Variants in MELK observed in about 807,000 individuals in gnomAD.
MELK encodes maternal embryonic leucine zipper kinase, also known as pEg3 kinase.
A neutral mutation model predicts 85.0 loss-of-function variants in MELK; 81 were observed. That is an observed-to-expected ratio of 0.95 (90% CI 0.80 to 1.15). The LOEUF (loss-of-function observed/expected upper bound fraction) is 1.15, where lower values mean the gene tolerates loss of function less well. Ranked by LOEUF, MELK falls within the 50% of genes most tolerant of loss-of-function variation. The pLI is 0.00. For synonymous variants in MELK, 252 were observed against 265.0 expected (o/e 0.95, Z 0.48); for missense variants, 754 against 777.5 (o/e 0.97, Z 0.36).
intron 8 of MELK, among the ~76,000 whole-genome samples, chr9:36,621,317 A>AAC (rs1827423662): frequency 7.5e-6 from 1 of 134,066 alleles, no homozygotes; most frequent in Admixed American, 7.9e-5. Flanking sequence ...AAAAAAAAAA[A>AAC]CTTGAGTAGA....
At chr9:36,608,167 C>G (rs1309475213) in intron 8 of MELK, among the ~76,000 whole-genome samples, 3 of 150,138 alleles carry the variant, frequency 2.0e-5, no homozygotes, top group Non-Finnish European at 4.4e-5. Context: ...GTAGTCCCAG[C>G]TACTCGGGAG....
intron 8 of MELK, among the ~76,000 whole-genome samples, chr9:36,628,377 G>T (rs747888209): frequency 7.2e-5 from 11 of 152,030 alleles, no homozygotes; most frequent in Non-Finnish European, 1.3e-4. Flanking sequence ...AGTTGCCTGT[G>T]ACCTTTGGAA....
At chr9:36,604,994 G>A (rs1354088560) in intron 7 of MELK, among the ~76,000 whole-genome samples, 3 of 151,826 alleles carry the variant, frequency 2.0e-5, no homozygotes, top group Non-Finnish European at 2.9e-5. Flanking sequence ...TGTCCCCCAG[G>A]CTGGAGTGCA....
intron 11 of MELK, among the ~76,000 whole-genome samples, chr9:36,647,498 T>C (rs1244946573): frequency 6.6e-6 from 1 of 151,598 alleles, no homozygotes; most frequent in Non-Finnish European, 1.5e-5. Context: ...TTCTTTCTTT[T>C]TTTTTTTTTG....
intron 1 of MELK, among the ~76,000 whole-genome samples, chr9:36,580,995 T>C (rs2134964989): frequency 6.6e-6 from 1 of 152,332 alleles, no homozygotes; most frequent in East Asian, 1.9e-4. Context: ...CCCAAAGTGC[T>C]GGGATTACAG....
chr9:36,652,745 A>AG (rs961841250), intron 12 of MELK, among the ~76,000 whole-genome samples: 2 of 151,894 alleles, frequency 1.3e-5, no homozygotes, highest in African/African-American at 4.8e-5. Flanking sequence ...AAAAAAAAAA[A>AG]AAAAGAAAAT....
In MELK at chr9:36,607,675, T is replaced by A; in HGVS notation, c.666+2T>A. 6.4e-7 allele frequency: 1 copy of A among 1,573,046 alleles called. No individual in the cohort carries two copies. Among genetic ancestry groups the A allele is most frequent in the Non-Finnish European group, 8.7e-7 (1 of 1,142,890 alleles). On this transcript the variant is annotated splice_donor_variant, in intron 8 of 17. Coordinates refer to ENST00000298048, the MANE Select transcript of MELK (RefSeq NM_014791.4). LOFTEE classifies it high-confidence loss of function. Reference sequence around the variant, plus strand: ...ATGGCTTTATACAAGAAGATTATGGTGAGTATTACAAGGCATAGAATTTCA... The same window carrying A: ...ATGGCTTTATACAAGAAGATTATGGAGAGTATTACAAGGCATAGAATTTCA...
chr9:36,632,345 G>A (rs1828718984), intron 9 of MELK, among the ~76,000 whole-genome samples: 1 of 152,144 alleles, frequency 6.6e-6, no homozygotes. Context: ...CTATAAAATG[G>A]GGGTTCTGAG....
chr9:36,666,931 G>A (rs192048233), intron 14 of MELK, among the ~76,000 whole-genome samples: 47 of 149,850 alleles, frequency 3.1e-4, no homozygotes, highest in Admixed American at 8.7e-4. Flanking sequence ...GGGGGGGTGC[G>A]GTGGCGCTGC....
rs1258891759 is a variant in MELK at position 36,581,672 on chromosome 9, C to T, written c.-10C>T. On this transcript the variant is annotated 5_prime_UTR_variant, in exon 2 of 18. Transcript: ENST00000298048. ...CTTTTTCTAATTCCAAATAAACTTG[C>T]AAGAGGACTATGAAAGATTATGATG... 2 of 1,568,870 alleles carry T rather than the reference C, an allele frequency of 1.3e-6. No homozygotes were observed. Among genetic ancestry groups the T allele is most frequent in the Admixed American group, 1.7e-5 (1 of 59,200 alleles).
intron 3 of MELK, among the ~76,000 whole-genome samples, chr9:36,588,383 T>C (rs1451606680): frequency 7.7e-6 from 1 of 130,594 alleles, no homozygotes. Context: ...AGTCCCTCCC[T>C]TTTTTTTTTT....
intron 12 of MELK, 135 bp from the exon 13 acceptor site, chr9:36,657,105 TG>T (rs1329473738): frequency 3.0e-6 from 3 of 1,012,840 alleles, no homozygotes; most frequent in Non-Finnish European, 4.2e-6. Context: ...GTACATTTTA[TG>T]ATGTTCACAC....
intron 2 of MELK, among the ~76,000 whole-genome samples, chr9:36,582,702 T>A (rs1481086224): frequency 1.3e-5 from 2 of 152,034 alleles, no homozygotes; most frequent in Admixed American, 6.6e-5. Flanking sequence ...TCCCCCAAGG[T>A]AGCCATTGAT....
At chr9:36,606,652 C>T (rs1186497654) in intron 7 of MELK, among the ~76,000 whole-genome samples, 4 of 145,484 alleles carry the variant, frequency 2.7e-5, no homozygotes, top group Non-Finnish European at 6.0e-5. Flanking sequence ...TATATGGACA[C>T]ATATGTATAT....
intron 7 of MELK, among the ~76,000 whole-genome samples, chr9:36,606,623 A>G (rs186812374): frequency 2.7e-5 from 4 of 147,264 alleles, no homozygotes; most frequent in Non-Finnish European, 4.5e-5. Context: ...GTATAGGTGT[A>G]TATATGGACA....
chr9:36,635,806 T>G (rs1180191246), intron 10 of MELK, among the ~76,000 whole-genome samples: 1 of 150,984 alleles, frequency 6.6e-6, no homozygotes, highest in Non-Finnish European at 1.5e-5. Context: ...TGCTTTTTTT[T>G]TTTTTTTTGA....
chr9:36,583,958 G>C (rs1822542656), intron 3 of MELK, among the ~76,000 whole-genome samples: 1 of 152,072 alleles, frequency 6.6e-6, no homozygotes, highest in South Asian at 2.1e-4. Flanking sequence ...GTAGTCTGTA[G>C]GTGTTTCTGG....
chr9:36,637,009 T>G (rs1215358105), intron 10 of MELK, among the ~76,000 whole-genome samples: 2 of 151,850 alleles, frequency 1.3e-5, no homozygotes, highest in East Asian at 1.9e-4. Context: ...ATTTTTTGTG[T>G]TTTTGGTAGA....
At chr9:36,629,843 GTTTTTT>G (rs11298711) in intron 8 of MELK, among the ~76,000 whole-genome samples, 1 of 111,482 alleles carries the variant, frequency 9.0e-6, no homozygotes, top group Non-Finnish European at 1.8e-5. Context: ...GCAAGAAATT[GTTTTTT>G]TTTTTTTTTT....
Sources: gnomAD v4.1 joint callset for allele counts (sites outside exome capture counted in the v4.1 genomes callset) on GRCh38, gnomAD v4.1.1 for gene constraint, MANE v1.5 for transcripts, NCBI Gene and HGNC (gene_info 2026-07-23, HGNC 2026-07-21) for gene names.